TCFL5: variants seen among roughly 807,000 people sequenced by gnomAD.
The protein encoded by TCFL5 is transcription factor like 5, also known as transcription factor-like 5 protein.
A neutral mutation model predicts 44.3 loss-of-function variants in TCFL5; 9 were observed. That is an observed-to-expected ratio of 0.20 (90% confidence interval 0.12 to 0.35). TCFL5 has a LOEUF of 0.35. TCFL5 is among the 10% of genes least tolerant of loss of function. The pLI is 1.00. For missense variants in TCFL5, 603 were observed against 613.4 expected (o/e 0.98, Z 0.18); for synonymous variants, 319 against 271.6 (o/e 1.17, Z -1.72).
At chr20:62,853,241 T>C (rs762118179) in intron 5 of TCFL5, among the ~76,000 whole-genome samples, 8 of 152,058 alleles carry the variant, frequency 5.3e-5, no homozygotes, top group Non-Finnish European at 1.2e-4. Context: ...CACAGAAGTA[T>C]ATGCACCCAG....
intron 5 of TCFL5, among the ~76,000 whole-genome samples, chr20:62,843,503 ACTTT>A (rs1425038185): frequency 6.6e-6 from 1 of 152,192 alleles, no homozygotes; most frequent in Non-Finnish European, 1.5e-5. Context: ...CTGGGAGTTC[ACTTT>A]CTATTTCTGT....
rs745746676 is a variant in TCFL5, at chr20:62,857,453, G to A, written c.1180C>T (p.Pro394Ser). ...CTACGTTGAGACCTTCCTCCCTGGG[G>A]CCCACTCTGGGCCTGCTCCCCCAGG... ...ANLGEQAQSGPQGGRSQRRER... is the reference protein window; with the variant it reads ...ANLGEQAQSGSQGGRSQRRER... Residue 394 changes from proline (P) to serine (S), a missense_variant, in exon 4 of 6, where the codon CCC (proline) becomes TCC (serine). Transcript: ENST00000335351. 5 of 1,614,166 alleles carry A rather than the reference G, an allele frequency of 3.1e-6. No homozygotes were observed. The highest frequency in any genetic ancestry group is 4.2e-6 in the Non-Finnish European group (5 of 1,180,032).
At chr20:62,846,046 TCCATCAA>T in intron 5 of TCFL5, 7 of 1,346,288 alleles carry the variant, frequency 5.2e-6, no homozygotes, top group Non-Finnish European at 6.9e-6. Flanking sequence ...GTGGATTCTT[TCCATCAA>T]CTGCTGATTT....
intron 5 of TCFL5, among the ~76,000 whole-genome samples, chr20:62,847,165 G>A (rs897185131): frequency 1.0e-4 from 15 of 145,614 alleles, no homozygotes; most frequent in African/African-American, 2.5e-4. Context: ...CCTGGGCAAC[G>A]AGTGAAACTT....
chr20:62,860,400 A>T, intron 1 of TCFL5, 92 bp from the exon 2 acceptor site: 1 of 1,179,568 alleles, frequency 8.5e-7, no homozygotes, highest in Non-Finnish European at 1.2e-6. Context: ...TAGTTTTTCC[A>T]GACAGCAACC....
intron 1 of TCFL5, among the ~76,000 whole-genome samples, 193 bp from the exon 2 acceptor site, chr20:62,860,501 C>A (rs1179570091): frequency 2.0e-5 from 3 of 152,230 alleles, no homozygotes; most frequent in Non-Finnish European, 4.4e-5. Context: ...AGCAAAACTG[C>A]GCCACCTCCC....
At chr20:62,857,172 C>T (rs1300838447) in intron 4 of TCFL5, among the ~76,000 whole-genome samples, 1 of 152,200 alleles carries the variant, frequency 6.6e-6, no homozygotes, top group African/African-American at 2.4e-5. Flanking sequence ...TAAGTCACAG[C>T]CTGAGAGTGA....
At chr20:62,853,381 C>T (rs2063842601) in intron 5 of TCFL5, among the ~76,000 whole-genome samples, 1 of 152,128 alleles carries the variant, frequency 6.6e-6, no homozygotes, top group African/African-American at 2.4e-5. Flanking sequence ...GGGTCTTGCC[C>T]TGTTGCCCAG....
chr20:62,843,406 T>C (rs1038584323), intron 5 of TCFL5, among the ~76,000 whole-genome samples: 2 of 151,974 alleles, frequency 1.3e-5, no homozygotes, highest in Non-Finnish European at 2.9e-5. Context: ...AAATGATGTC[T>C]GGAATTGTTT....
rs200228329 is a variant in TCFL5, at chr20:62,857,681, T to C, written c.995-43A>G. 185 of 1,596,522 alleles carry C rather than the reference T, an allele frequency of 1.2e-4. No homozygotes were observed. The African/African-American group carries it at 2.3e-3, about 20-fold the overall frequency. On this transcript the variant is annotated intron_variant, in intron 3 of 5. Transcript: ENST00000335351. ...AAAGTGGTTTTTAATTTTGTATTCT[T>C]ATCTCAATTAATGCTGAATACAGTT...
chr20:62,845,841 G>A, intron 5 of TCFL5: 1 of 1,593,684 alleles, frequency 6.3e-7, no homozygotes, highest in Admixed American at 1.7e-5. Context: ...AGTGATTTAT[G>A]ACAAAGATCA....
chr20:62,850,042 T>A (rs531879597), intron 5 of TCFL5, among the ~76,000 whole-genome samples: 29 of 152,150 alleles, frequency 1.9e-4, no homozygotes, highest in Non-Finnish European at 3.8e-4. Flanking sequence ...CAAATCTGAA[T>A]AGTCTGTGCA....
chr20:62,851,500 C>T (rs1466695690), intron 5 of TCFL5: 1 of 983,028 alleles, frequency 1.0e-6, no homozygotes, highest in African/African-American at 1.8e-5. Context: ...TTTTTTAAAA[C>T]ACAAAAGCTT....
In TCFL5 at chr20:62,857,638, T is replaced by C. The variant is rs2063915494; in HGVS notation, c.995A>G (p.Glu332Gly). The C allele has an allele frequency of 1.2e-6, 2 of 1,608,460 alleles. No homozygotes were observed. The highest frequency in any genetic ancestry group is 2.7e-5 in the African/African-American group (2 of 74,780). ...LPEQVWIKVG[E>G]AALCKQALKR... ...CAGTGCTTGTTTGCATAGCGCTGCTTCTTTGCGAAAGAAGAAAAAAGTGGT... is the reference window on the plus strand; with the variant it reads ...CAGTGCTTGTTTGCATAGCGCTGCTCCTTTGCGAAAGAAGAAAAAAGTGGT... Residue 332 changes from glutamate (E) to glycine (G), a missense_variant and splice_region_variant, in exon 4 of 6, where the codon GAA becomes GGA. Physicochemically the swap from Glu to Gly is moderately conservative, Grantham distance 98. Transcript: ENST00000335351.
chr20:62,857,876 T>C (rs546137169), intron 3 of TCFL5, among the ~76,000 whole-genome samples: 11 of 152,220 alleles, frequency 7.2e-5, no homozygotes, highest in African/African-American at 2.6e-4. Context: ...AAATACGTTT[T>C]CCAAGTGCTA....
At chr20:62,845,402 C>A (rs1446920111) in intron 5 of TCFL5, 1 of 1,211,748 alleles carries the variant, frequency 8.3e-7, no homozygotes. Context: ...GGATTACAGG[C>A]GTGAGCTACG....
intron 5 of TCFL5, among the ~76,000 whole-genome samples, chr20:62,844,425 CTTTT>C (rs571497409): frequency 6.6e-6 from 1 of 151,574 alleles, no homozygotes; most frequent in Non-Finnish European, 1.5e-5. Context: ...GTTGTGCTGT[CTTTT>C]TTTTGGACAG....
At position 62,842,908 on chromosome 20, in the gene TCFL5, C is replaced by G. The variant is rs1421710630; in HGVS notation, c.1381-811G>C. ...GTGGAGGTGCTGCTCGCTGAGATGGCTCTGTCCTTGGGGAGACCCTGCCAG... is the reference window on the plus strand; with the variant it reads ...GTGGAGGTGCTGCTCGCTGAGATGGGTCTGTCCTTGGGGAGACCCTGCCAG... On this transcript the variant is annotated intron_variant, in intron 5 of 5. Coordinates refer to ENST00000335351, the MANE Select transcript of TCFL5 (RefSeq NM_006602.4). This position sits in a 1 kb window ranked among gnomAD's most constrained non-coding sequence, Gnocchi z 4.3. Among the ~76,000 whole-genome samples the G allele has an allele frequency of 1.3e-5, 2 of 152,210 alleles. No homozygotes were observed. The highest frequency in any genetic ancestry group is 4.8e-5 in the African/African-American group (2 of 41,446).
Position 62,841,102 on chromosome 20 carries a change from A to T in TCFL5, c.*873T>A, listed in dbSNP as rs2063675344. ...GATATATTAAACCTTCAGATTAATGACTGGCTACAGAGTAACAAAAAATAA... is the reference window on the plus strand; with the variant it reads ...GATATATTAAACCTTCAGATTAATGTCTGGCTACAGAGTAACAAAAAATAA... On this transcript the variant is annotated 3_prime_UTR_variant, in exon 6 of 6. Transcript: ENST00000335351. 4.2e-6 allele frequency: 1 copy of T among 237,170 alleles called. No homozygotes were observed. Among genetic ancestry groups the T allele is most frequent in the African/African-American group, 2.3e-5 (1 of 43,234 alleles). The allele number at this position is 237,170 out of a possible 1,614,324, so 14.7% of individuals were successfully genotyped here. A position where few individuals can be genotyped will look rare whatever the true frequency, so the allele number is the denominator to read the frequency against.
Sources: allele counts gnomAD v4.1 joint callset (sites outside exome capture counted in the v4.1 genomes callset), GRCh38; gene constraint gnomAD v4.1.1; non-coding constraint Gnocchi (gnomAD v3.1); transcripts MANE v1.5; gene names NCBI Gene and HGNC (gene_info 2026-07-23, HGNC 2026-07-21).